Variants in NLRP8 observed in about 807,000 individuals in gnomAD.
The protein encoded by NLRP8 is NLR family pyrin domain containing 8, also known as NACHT, LRR and PYD domains-containing protein 8.
NLRP8 carries 86 observed loss-of-function variants against 88.7 expected under a neutral mutation model. The ratio of observed to expected loss-of-function variants is 0.97; its 90% CI spans 0.81 to 1.16. NLRP8 has a LOEUF of 1.16. NLRP8 is among the 50% of genes most tolerant of loss of function. NLRP8 has a pLI of 0.00. For missense variants in NLRP8, 1,342 were observed against 1,286.5 expected (o/e 1.04, Z -0.66); for synonymous variants, 504 against 494.6 (o/e 1.02, Z -0.25).
At position 55,952,604 on chromosome 19, in the gene NLRP8, G is replaced by C. The variant is rs1286784227; in HGVS notation, c.434G>C (p.Gly145Ala). 6.2e-7 allele frequency: 1 copy of C among 1,613,804 alleles called. No individual in the cohort carries two copies. Among genetic ancestry groups the C allele is most frequent in the Admixed American group, 1.7e-5 (1 of 60,002 alleles). ...GAAACACAGGTGAATCTGGAGGAAGGAGAATCTGGTATGTGCCTGTATCAC... is the reference window on the plus strand; with the variant it reads ...GAAACACAGGTGAATCTGGAGGAAGCAGAATCTGGTATGTGCCTGTATCAC... Residue 145 changes from glycine to alanine, a missense_variant, in exon 2 of 10, where the codon GGA becomes GCA. Physicochemically the swap from Gly to Ala is moderately conservative, Grantham distance 60. Coordinates refer to ENST00000291971, the MANE Select transcript of NLRP8 (RefSeq NM_176811.2).
At chr19:55,986,498 ACACACACACACT>A (rs1236448407) in intron 9 of NLRP8, among the ~76,000 whole-genome samples, 10 of 151,266 alleles carry the variant, frequency 6.6e-5, no homozygotes, top group South Asian at 2.1e-4. Context: ...ACACACACAC[ACACACACACACT>A]AATTGCTTCA....
rs375197874 is a variant in NLRP8 at position 55,987,917 on chromosome 19, G to A, written c.*4G>A. On this transcript the variant is annotated 3_prime_UTR_variant, in exon 10 of 10. Coordinates refer to ENST00000291971, the MANE Select transcript of NLRP8 (RefSeq NM_176811.2). Reference sequence around the variant, plus strand: ...CCTATCCCAGATTAATCCTTAGGCCGTCCAGTCATCTTTCTCTGGGGCTTG... The same window carrying A: ...CCTATCCCAGATTAATCCTTAGGCCATCCAGTCATCTTTCTCTGGGGCTTG... 3.6e-5 allele frequency: 57 copies of A among 1,601,174 alleles called. No homozygotes were observed. In the African/African-American group the frequency reaches 4.0e-4, roughly 11 times the overall value.
chr19:55,950,781 C>G (rs770760840), intron 1 of NLRP8, among the ~76,000 whole-genome samples: 1 of 152,016 alleles, frequency 6.6e-6, no homozygotes, highest in Non-Finnish European at 1.5e-5. Context: ...TCCCAGCAGT[C>G]TGAAAGGCCG....
At chr19:55,968,718 C>G (rs1979949001) in intron 5 of NLRP8, among the ~76,000 whole-genome samples, 3 of 152,060 alleles carry the variant, frequency 2.0e-5, no homozygotes, top group Non-Finnish European at 4.4e-5. Flanking sequence ...CCAGCCTGGG[C>G]AACAAGAGCA....
chr19:55,962,185 A>C lies in NLRP8; in HGVS notation c.2161A>C (p.Lys721Gln). ...CAGTGTTTTGGGGCCTCCTTTTTTG[A>C]AGGCTCTCGCGGCCGCACTGAGGCA... The change falls in exon 4 of 10, where the codon AAG becomes CAG. Residue 721 changes from lysine to glutamine, a missense_variant. By Grantham distance (53) the Lys-to-Gln change is moderately conservative. Transcript: ENST00000291971. 6.2e-7 allele frequency: 1 copy of C among 1,614,112 alleles called. No individual in the cohort carries two copies. The highest frequency in any genetic ancestry group is 8.5e-7 in the Non-Finnish European group (1 of 1,179,998).
rs1326469578 is a variant in NLRP8, at chr19:55,987,933, C to T, written c.*20C>T. ...CCTTAGGCCGTCCAGTCATCTTTCTCTGGGGCTTGATTGATCAGTTCCCAC... is the reference window on the plus strand; with the variant it reads ...CCTTAGGCCGTCCAGTCATCTTTCTTTGGGGCTTGATTGATCAGTTCCCAC... On this transcript the variant is annotated 3_prime_UTR_variant, in exon 10 of 10. Coordinates refer to ENST00000291971, the MANE Select transcript of NLRP8 (RefSeq NM_176811.2). The T allele has an allele frequency of 6.4e-7, 1 of 1,571,244 alleles. No individual in the cohort carries two copies. The highest frequency in any genetic ancestry group is 1.1e-5 in the South Asian group (1 of 90,134).
At chr19:55,971,934 TCTGA>T (rs888877861) in intron 6 of NLRP8, among the ~76,000 whole-genome samples, 2 of 152,138 alleles carry the variant, frequency 1.3e-5, no homozygotes, top group Non-Finnish European at 2.9e-5. Context: ...TTTTTTATCA[TCTGA>T]CTGTTCATCT....
At chr19:55,987,521 T>C (rs998549879) in intron 9 of NLRP8, among the ~76,000 whole-genome samples, 5 of 152,198 alleles carry the variant, frequency 3.3e-5, no homozygotes, top group African/African-American at 1.2e-4. Context: ...TGAAATGCCA[T>C]ACAATTCTGA....
Position 55,976,185 on chromosome 19 carries a change from C to T in NLRP8, c.2758C>T (p.Leu920Phe), listed in dbSNP as rs777017131. 3.7e-6 allele frequency: 6 copies of T among 1,613,482 alleles called. No individual in the cohort carries two copies. Among genetic ancestry groups the T allele is most frequent in the African/African-American group, 2.7e-5 (2 of 74,838 alleles). The change falls in exon 8 of 10, where the codon CTC (leucine) becomes TTC (phenylalanine). Residue 920 changes from leucine to phenylalanine, a missense_variant. Coordinates refer to ENST00000291971, the MANE Select transcript of NLRP8 (RefSeq NM_176811.2). The stretch of plus-strand genomic sequence containing the variant: ...TTGCTGTCAGGATATGATCTCTGCG[C>T]TCTGTAAAAATAAAACCCTGAAAAG...
intron 5 of NLRP8, 104 bp downstream of exon 5, chr19:55,966,484 T>C (rs1410362196): frequency 8.9e-7 from 1 of 1,118,962 alleles, no homozygotes; most frequent in African/African-American, 1.6e-5. Context: ...TCCTTTGATC[T>C]GCTGTTGGCT....
intron 4 of NLRP8, among the ~76,000 whole-genome samples, chr19:55,964,742 ACT>A (rs1287028126): frequency 1.3e-5 from 2 of 148,342 alleles, no homozygotes; most frequent in African/African-American, 2.5e-5. Flanking sequence ...ACAAAGCAAG[ACT>A]CTGTCTCAAA....
chr19:55,956,737 G>A lies in NLRP8; in HGVS notation c.2042+637G>A, dbSNP rs183421688. Among the ~76,000 whole-genome samples the A allele has an allele frequency of 4.6e-5, 7 of 152,134 alleles. No individual in the cohort carries two copies. The East Asian group carries it at 1.4e-3, about 29-fold the overall frequency. On this transcript the variant is annotated intron_variant, in intron 3 of 9. Transcript: ENST00000291971. ...AATACTGGGCAAAATGAGATCCCTT[G>A]TTCACCCTCCCTCCCTCTGTGCTGC...
chr19:55,976,509 T>C (rs1443543448), intron 8 of NLRP8, among the ~76,000 whole-genome samples: 1 of 152,036 alleles, frequency 6.6e-6, no homozygotes, highest in Non-Finnish European at 1.5e-5. Context: ...CACACAAATT[T>C]TGGGGCCCCA....
At chr19:55,972,910 TG>T (rs1208352214) in intron 6 of NLRP8, among the ~76,000 whole-genome samples, 1 of 151,432 alleles carries the variant, frequency 6.6e-6, no homozygotes, top group Non-Finnish European at 1.5e-5. Context: ...CTGCAAATTG[TG>T]CTGCTATAAA....
At position 55,979,492 on chromosome 19, in the gene NLRP8, C is replaced by T. The variant is rs61743336; in HGVS notation, c.2975C>T (p.Ala992Val). The T allele has an allele frequency of 5.0e-6, 8 of 1,614,038 alleles. No homozygotes were observed. Among genetic ancestry groups the T allele is most frequent in the Middle Eastern group, 1.6e-4 (1 of 6,082 alleles). Residue 992 changes from alanine (A) to valine (V), a missense_variant, in exon 9 of 10, where the codon GCG becomes GTG. Transcript: ENST00000291971. ...AGACATCTGGACTTGAGCAAGAATG[C>T]GATTGGAGTCTATGGTATTCTGACC...
At chr19:55,957,157 C>A (rs778649534) in intron 3 of NLRP8, among the ~76,000 whole-genome samples, 2 of 152,140 alleles carry the variant, frequency 1.3e-5, no homozygotes, top group African/African-American at 2.4e-5. Context: ...TGGAACTTAA[C>A]GTGATGATGA....
At position 55,954,869 on chromosome 19, in the gene NLRP8, G is replaced by C; in HGVS notation, c.811G>C (p.Val271Leu). 1.2e-6 allele frequency: 2 copies of C among 1,614,178 alleles called. No homozygotes were observed. The highest frequency in any genetic ancestry group is 8.5e-7 in the Non-Finnish European group (1 of 1,180,030). ...AAAGTGGCCTGGATCTCAGGACCTC[G>C]TGTCAAAGATTATGTCCAAACCCGA... The change falls in exon 3 of 10, where the codon GTG becomes CTG. Residue 271 changes from valine (V) to leucine (L), a missense_variant. By Grantham distance (32) the Val-to-Leu change is conservative. Transcript: ENST00000291971.
chr19:55,987,993 T>A lies in NLRP8; in HGVS notation c.*80T>A. The stretch of plus-strand genomic sequence containing the variant: ...TGGCAAATACCAGGCGTTATCATCC[T>A]GTATGCATTAACGTACTTTCCCCTG... On this transcript the variant is annotated 3_prime_UTR_variant, in exon 10 of 10. Coordinates refer to ENST00000291971, the MANE Select transcript of NLRP8 (RefSeq NM_176811.2). 9.5e-7 allele frequency: 1 copy of A among 1,056,428 alleles called. No homozygotes were observed. Among genetic ancestry groups the A allele is most frequent in the Non-Finnish European group, 1.5e-6 (1 of 680,920 alleles). 65.4% of individuals were successfully genotyped at this position (1,056,428 alleles called of 1,614,324 possible).
In NLRP8 at chr19:55,987,913, G is replaced by T. The variant is rs306457; in HGVS notation, c.3147G>T (p.Ter1049TyrextTer10). The change falls in exon 10 of 10, where the codon TAG becomes TAT. Residue 1049 changes from the stop codon to tyrosine (Y), a stop_lost. Coordinates refer to ENST00000291971, the MANE Select transcript of NLRP8 (RefSeq NM_176811.2). ...ACTGCCTATCCCAGATTAATCCTTA[G>T]GCCGTCCAGTCATCTTTCTCTGGGG... 1.5e-5 allele frequency: 24 copies of T among 1,609,372 alleles called. No homozygotes were observed. Among genetic ancestry groups the T allele is most frequent in the East Asian group, 8.9e-5 (4 of 44,828 alleles).
Sources: gnomAD v4.1 joint callset for allele counts (sites outside exome capture counted in the v4.1 genomes callset) on GRCh38, gnomAD v4.1.1 for gene constraint, MANE v1.5 for transcripts, NCBI Gene and HGNC (gene_info 2026-07-23, HGNC 2026-07-21) for gene names.